PBRM1: variants seen among roughly 807,000 people sequenced by gnomAD.
PBRM1 encodes protein polybromo-1.
PBRM1 carries 27 observed loss-of-function variants against 194.5 expected under a neutral mutation model. That is an observed-to-expected ratio of 0.14 (90% CI 0.10 to 0.19). The LOEUF (loss-of-function observed/expected upper bound fraction) is 0.19. PBRM1 is among the 10% of genes least tolerant of loss of function. The pLI, the probability that PBRM1 is intolerant of heterozygous loss-of-function variation, is 1.00. For missense variants in PBRM1, 1,466 were observed against 2,077.2 expected, an observed-to-expected ratio of 0.71 and a Z score of 5.72; for synonymous variants, 655 against 693.2, an observed-to-expected ratio of 0.94 and a Z score of 0.87.
intron 16 of PBRM1, among the ~76,000 whole-genome samples, chr3:52,605,989 C>A (rs1459452914): frequency 1.3e-5 from 2 of 151,592 alleles, no homozygotes; most frequent in Admixed American, 1.3e-4. Flanking sequence ...CAAGGGAAGA[C>A]ACCCCTGAAA....
chr3:52,682,407 CAGG>C (rs2097219282), upstream of PBRM1, among the ~76,000 whole-genome samples: 1 of 147,436 alleles, frequency 6.8e-6, no homozygotes, highest in Non-Finnish European at 1.5e-5. Flanking sequence ...ACCATTTTGG[CAGG>C]AGTTCAAAAT....
chr3:52,665,678 G>C (rs1000253484), intron 3 of PBRM1, among the ~76,000 whole-genome samples: 3 of 152,142 alleles, frequency 2.0e-5, no homozygotes, highest in Non-Finnish European at 2.9e-5. Context: ...TAGGCTGTGA[G>C]CTCCTTATAA....
chr3:52,600,989 T>C (rs1395481619), intron 17 of PBRM1, among the ~76,000 whole-genome samples: 1 of 152,178 alleles, frequency 6.6e-6, no homozygotes, highest in East Asian at 1.9e-4. Context: ...TGGGTTCTTT[T>C]GGAGGTGTAA....
At chr3:52,576,384 C>T (rs537101493) in intron 22 of PBRM1, among the ~76,000 whole-genome samples, 157 bp downstream of exon 24, 3 of 152,058 alleles carry the variant, frequency 2.0e-5, no homozygotes, top group Non-Finnish European at 2.9e-5. Flanking sequence ...TTTAATTTAT[C>T]GACTGACTCC....
At position 52,642,049 on chromosome 3, in the gene PBRM1, C is replaced by CAAAA; in HGVS notation, c.996-8_996-5dup. 3.4e-6 allele frequency: 4 copies of CAAAA among 1,176,186 alleles called. No homozygotes were observed. The highest frequency in any genetic ancestry group is 4.9e-6 in the Non-Finnish European group (4 of 824,378). The allele number at this position is 1,176,186 out of a possible 1,614,324, so 72.9% of individuals were successfully genotyped here. A position where few individuals can be genotyped will look rare whatever the true frequency, so the allele number is the denominator to read the frequency against. ...TCCTTGTACTGCTCTTTTATTACTA[C>CAAAA]AAAAAAAAAAAAAGCAATTAGACAG... On this transcript the variant is annotated splice_polypyrimidine_tract_variant and splice_region_variant and intron_variant, in intron 9 of 29. Transcript: ENST00000296302.
intron 13 of PBRM1, among the ~76,000 whole-genome samples, chr3:52,626,111 A>G (rs79457385): frequency 0.061 from 9,237 of 152,264 alleles, 347 homozygotes; most frequent in African/African-American, 0.085. Flanking sequence ...TGGAAAACAC[A>G]GGTGATGCTG....
In PBRM1 at chr3:52,617,394, G is replaced by A. The variant is rs77321871; in HGVS notation, c.1686C>T (p.Ile562=). 1.9e-4 allele frequency: 303 copies of A among 1,613,970 alleles called. 1 individual carries two copies. In the African/African-American group the frequency reaches 3.4e-3, roughly 18 times the overall value. The change falls in exon 14 of 30, where the codon ATC becomes ATT. Residue 562 remains isoleucine (I), a synonymous_variant. Coordinates refer to ENST00000296302, the Ensembl canonical transcript of PBRM1. The stretch of plus-strand genomic sequence containing the variant: ...TTATTTTCAAGTCCATTGGCTCCAA[G>A]ATGATTTTATAATAATCAGGATAGT...
intron 18 of PBRM1, 60 bp from the exon 21 acceptor site, chr3:52,587,570 C>CTTTTTTT (rs36056285): frequency 5.5e-6 from 4 of 731,786 alleles, no homozygotes; most frequent in Admixed American, 3.8e-5. Flanking sequence ...ACAGAAATCA[C>CTTTTTTT]TTTTTTTTTT....
At chr3:52,673,420 G>A (rs985876017) in intron 2 of PBRM1, among the ~76,000 whole-genome samples, 1 of 151,206 alleles carries the variant, frequency 6.6e-6, no homozygotes, top group Non-Finnish European at 1.5e-5. Flanking sequence ...TGTAATCCCA[G>A]CACTTTGGGA....
chr3:52,636,034 G>A (rs1178252364), intron 10 of PBRM1, among the ~76,000 whole-genome samples: 1 of 150,206 alleles, frequency 6.7e-6, no homozygotes, highest in Non-Finnish European at 1.5e-5. Context: ...TGGCCAATTT[G>A]GTTTTTTTTT....
chr3:52,609,424 G>A lies in PBRM1; in HGVS notation c.2456C>T (p.Pro819Leu), dbSNP rs2153418695. 6.2e-7 allele frequency: 1 copy of A among 1,613,746 alleles called. No individual in the cohort carries two copies. The highest frequency in any genetic ancestry group is 8.5e-7 in the Non-Finnish European group (1 of 1,179,682). The stretch of plus-strand genomic sequence containing the variant: ...CTTCCTAATTATGTCAAATGTAAGG[G>A]GTGGTTTGTTAGGAAAGTTGGGATC... Residue 819 changes from proline (P) to leucine (L), a missense_variant, in exon 16 of 30, where the codon CCC becomes CTC. Around this residue, in one of 5 missense-constraint regions of PBRM1, gnomAD observed 687 missense variants for 946.2 expected, o/e 0.73. Transcript: ENST00000296302. This position sits in a 1 kb window ranked among gnomAD's most constrained non-coding sequence, Gnocchi z 4.1.
intron 3 of PBRM1, among the ~76,000 whole-genome samples, chr3:52,665,037 G>T (rs1360352331): frequency 6.6e-6 from 1 of 152,088 alleles, no homozygotes; most frequent in Non-Finnish European, 1.5e-5. Context: ...GAAAAGAAAA[G>T]ACAGATAACC....
chr3:52,578,468 C>T (rs1206551724), intron 21 of PBRM1, among the ~76,000 whole-genome samples: 1 of 152,222 alleles, frequency 6.6e-6, no homozygotes, highest in Non-Finnish European at 1.5e-5. Flanking sequence ...AGAGCTGGGA[C>T]TCAGGGAATG....
chr3:52,674,643 A>AAAAAAAAAAT (rs1193129880), intron 2 of PBRM1, among the ~76,000 whole-genome samples: 2 of 72,418 alleles, frequency 2.8e-5, no homozygotes, highest in African/African-American at 8.1e-5. Flanking sequence ...AAAAAAAAAA[A>AAAAAAAAAAT]ATATATATAT....
intron 13 of PBRM1, among the ~76,000 whole-genome samples, chr3:52,619,841 A>G (rs1177723746): frequency 2.0e-5 from 3 of 152,226 alleles, no homozygotes; most frequent in Admixed American, 6.5e-5. Context: ...AGAAATGCCT[A>G]TAACTCAAGG....
At chr3:52,655,305 C>T (rs2096589122) in intron 5 of PBRM1, among the ~76,000 whole-genome samples, 1 of 152,100 alleles carries the variant, frequency 6.6e-6, no homozygotes, top group Non-Finnish European at 1.5e-5. Flanking sequence ...ATTCTAGGTA[C>T]CTCATATAAG....
chr3:52,680,850 G>A (rs565376042), upstream of PBRM1, among the ~76,000 whole-genome samples: 12 of 151,920 alleles, frequency 7.9e-5, no homozygotes, highest in East Asian at 2.0e-4. Context: ...TAGTAGAGAC[G>A]GGGTTTCACC....
At chr3:52,684,373 C>T (rs945886151), upstream of PBRM1, among the ~76,000 whole-genome samples, 8 of 151,916 alleles carry the variant, frequency 5.3e-5, no homozygotes, top group African/African-American at 1.9e-4. Flanking sequence ...GGGAGAATAT[C>T]GACTTACTAT....
At chr3:52,672,534 G>C (rs1230223322) in intron 2 of PBRM1, among the ~76,000 whole-genome samples, 1 of 96,334 alleles carries the variant, frequency 1.0e-5, no homozygotes, top group African/African-American at 4.3e-5. Flanking sequence ...CACTCTTGTT[G>C]CCCAGGCTGG....
Sources: allele counts gnomAD v4.1 joint callset (sites outside exome capture counted in the v4.1 genomes callset), GRCh38; gene constraint gnomAD v4.1.1; regional missense constraint gnomAD v4.1.1; non-coding constraint Gnocchi (gnomAD v3.1); transcripts MANE v1.5; gene names NCBI Gene and HGNC (gene_info 2026-07-23, HGNC 2026-07-21).